TSPOAP1: variants seen among roughly 807,000 people sequenced by gnomAD.
TSPOAP1 encodes TSPO associated protein 1.
Under a neutral mutation model 197.0 loss-of-function variants are expected in TSPOAP1, and 87 were observed. The ratio of observed to expected loss-of-function variants is 0.44; its 90% confidence interval spans 0.37 to 0.53. TSPOAP1 has a LOEUF of 0.53. TSPOAP1 is among the 20% of genes least tolerant of loss of function. The probability of loss-of-function intolerance (pLI) is 0.00; values close to 1 mark genes in which losing one functional copy is unlikely to be tolerated. For missense variants in TSPOAP1, 2,174 were observed against 2,411.3 expected, an observed-to-expected ratio of 0.90 and a Z score of 2.06; for synonymous variants, 913 against 998.9, an observed-to-expected ratio of 0.91 and a Z score of 1.62.
At chr17:58,314,722 C>T (rs149235565) in intron 16 of TSPOAP1, among the ~76,000 whole-genome samples, 1 of 152,340 alleles carries the variant, frequency 6.6e-6, no homozygotes, top group East Asian at 1.9e-4. Flanking sequence ...CCCTAGGAAA[C>T]GATCATAAGC....
At position 58,304,378 on chromosome 17, in the gene TSPOAP1, G is replaced by A; in HGVS notation, c.5566C>T (p.Gln1856Ter). Residue 1856 changes from glutamine to a stop codon, truncating the protein, a stop_gained, in exon 31 of 32, where the codon CAG (glutamine) becomes TAG (stop). Coordinates refer to ENST00000343736, the MANE Select transcript of TSPOAP1 (RefSeq NM_004758.4). LOFTEE classifies it high-confidence loss of function. The surrounding 1 kb of genome is among the most constrained non-coding windows in gnomAD (Gnocchi z 4.2). ...CATATATCTATCTCCATCTAGCACT[G>A]GACTCTTCTCCTCCTCGTTCTCTGA... is the stretch of plus-strand genomic sequence containing the variant. ...ESQRTRRRRV[Q>*]C is the part of the protein sequence containing the mutation. 6.2e-7 allele frequency: 1 copy of A among 1,613,758 alleles called. No individual in the cohort carries two copies. The highest frequency in any genetic ancestry group is 1.1e-5 in the South Asian group (1 of 91,080).
chr17:58,317,787 C>T (rs1351665424), intron 14 of TSPOAP1, among the ~76,000 whole-genome samples: 1 of 152,210 alleles, frequency 6.6e-6, no homozygotes, highest in Non-Finnish European at 1.5e-5. Context: ...CAGGCAGGTT[C>T]CGTATTCATT....
chr17:58,326,178 T>C lies in TSPOAP1; in HGVS notation c.570+115A>G. On this transcript the variant is annotated intron_variant, in intron 3 of 31. Coordinates refer to ENST00000343736, the MANE Select transcript of TSPOAP1 (RefSeq NM_004758.4). The surrounding 1 kb of genome is among the most constrained non-coding windows in gnomAD (Gnocchi z 4.7). Reference sequence around the variant, plus strand: ...CACCTTAGCCCCTAGATTCTTGCTTTCCTAGGTGCTGAGCTGAGACCGTGA... The same window carrying C: ...CACCTTAGCCCCTAGATTCTTGCTTCCCTAGGTGCTGAGCTGAGACCGTGA... The C allele has an allele frequency of 6.7e-7, 1 of 1,490,312 alleles. No homozygotes were observed. The highest frequency in any genetic ancestry group is 9.0e-7 in the Non-Finnish European group (1 of 1,113,446). 92.3% of individuals were successfully genotyped at this position (1,490,312 alleles called of 1,614,324 possible).
In TSPOAP1 at chr17:58,309,435, G is replaced by C; in HGVS notation, c.3892-55C>G. On this transcript the variant is annotated intron_variant, in intron 21 of 31. Transcript: ENST00000343736. The surrounding 1 kb of genome is among the most constrained non-coding windows in gnomAD (Gnocchi z 5.0). ...CACAGCAGGGAAGAGAGATGCGTGGGGAAGAGGAGAGCGAGCTGCGATCTT... is the reference window on the plus strand; with the variant it reads ...CACAGCAGGGAAGAGAGATGCGTGGCGAAGAGGAGAGCGAGCTGCGATCTT... 1 of 1,544,688 alleles carries C rather than the reference G, an allele frequency of 6.5e-7. No individual in the cohort carries two copies. Among genetic ancestry groups the C allele is most frequent in the Non-Finnish European group, 8.7e-7 (1 of 1,149,120 alleles).
Position 58,306,740 on chromosome 17 carries a change from G to A in TSPOAP1, c.5152+60C>T, listed in dbSNP as rs1970906782. 5.8e-6 allele frequency: 9 copies of A among 1,562,928 alleles called. No individual in the cohort carries two copies. The Admixed American group carries it at 1.6e-4, about 27-fold the overall frequency. ...ACCCCAGACACAACAATTGCTCAGG[G>A]TCAGGTGGAGTTGGAAGGGGGCTGG... On this transcript the variant is annotated intron_variant, in intron 25 of 31. Transcript: ENST00000343736.
chr17:58,302,625 G>A (rs1413776891), intron 31 of TSPOAP1, 178 bp from the exon 32 acceptor site: 1 of 293,008 alleles, frequency 3.4e-6, no homozygotes, highest in Non-Finnish European at 6.2e-6. Context: ...GGTGGTGAAT[G>A]GGGAGGGTGA....
At chr17:58,303,025 CCGG>C in intron 31 of TSPOAP1, 1 of 152,454 alleles carries the variant, frequency 6.6e-6, no homozygotes, top group Middle Eastern at 3.4e-3. Context: ...AAGAGGACTG[CCGG>C]GAGGCCAAGG....
chr17:58,313,995 T>C (rs2143057415), intron 16 of TSPOAP1, among the ~76,000 whole-genome samples: 1 of 152,290 alleles, frequency 6.6e-6, no homozygotes. Context: ...CAGCATGTAA[T>C]GTCACGGTCA....
intron 5 of TSPOAP1, among the ~76,000 whole-genome samples, chr17:58,323,748 C>CT (rs1971473445): frequency 6.6e-6 from 1 of 152,234 alleles, no homozygotes; most frequent in Non-Finnish European, 1.5e-5. Flanking sequence ...AGGCTGCACC[C>CT]CTGTGTCCTG....
chr17:58,316,299 T>C, intron 15 of TSPOAP1, 126 bp downstream of exon 15: 1 of 1,088,084 alleles, frequency 9.2e-7, no homozygotes, highest in Non-Finnish European at 1.4e-6. Flanking sequence ...AACTAGGTTA[T>C]TAGAATAGGT....
At chr17:58,306,591 T>G in intron 25 of TSPOAP1, 178 bp from the exon 26 acceptor site, 1 of 895,038 alleles carries the variant, frequency 1.1e-6, no homozygotes, top group Non-Finnish European at 1.7e-6. Context: ...CCTGGCTGCA[T>G]GGCTGTATTC....
At chr17:58,321,608 C>T (rs949601755) in intron 10 of TSPOAP1, among the ~76,000 whole-genome samples, 2 of 152,160 alleles carry the variant, frequency 1.3e-5, no homozygotes, top group Admixed American at 1.3e-4. Context: ...AGAACCTTGT[C>T]AGTTCTATCT....
chr17:58,308,262 C>T (rs1389570002), intron 22 of TSPOAP1, among the ~76,000 whole-genome samples: 1 of 152,272 alleles, frequency 6.6e-6, no homozygotes, highest in Non-Finnish European at 1.5e-5. Context: ...CAGTCAGCGT[C>T]CTGAAGCCAT....
intron 4 of TSPOAP1, 70 bp downstream of exon 4, chr17:58,325,464 T>C (rs1044866183): frequency 1.9e-6 from 3 of 1,583,962 alleles, no homozygotes; most frequent in Non-Finnish European, 2.6e-6. Flanking sequence ...ACATCTTGTC[T>C]GCATCCCACA....
chr17:58,302,442 C>T lies in TSPOAP1; in HGVS notation c.*38G>A, dbSNP rs1210565621. ...CTGGGGACCCTTGTGTGGTGCAGCC[C>T]CAGTCCTGAAATGTGAGACAGAAGG... is the stretch of plus-strand genomic sequence containing the variant. On this transcript the variant is annotated 3_prime_UTR_variant, in exon 32 of 32. Coordinates refer to ENST00000343736, the MANE Select transcript of TSPOAP1 (RefSeq NM_004758.4). 8.0e-7 allele frequency: 1 copy of T among 1,244,020 alleles called. No homozygotes were observed. Among genetic ancestry groups the T allele is most frequent in the African/African-American group, 1.6e-5 (1 of 63,768 alleles). 77.1% of individuals were successfully genotyped at this position (1,244,020 alleles called of 1,614,324 possible). A position where few individuals can be genotyped will look rare whatever the true frequency, so the allele number is the denominator to read the frequency against.
At position 58,322,578 on chromosome 17, in the gene TSPOAP1, C is replaced by T. The variant is rs1971433825; in HGVS notation, c.1317+76G>A. 3.2e-6 allele frequency: 5 copies of T among 1,585,596 alleles called. No homozygotes were observed. The highest frequency in any genetic ancestry group is 4.3e-6 in the Non-Finnish European group (5 of 1,168,874). Reference sequence around the variant, plus strand: ...CAGGCCTCAGAGCTAGTGCCCCTCACTAAGAATATTCTGCTGTCCCACTTG... The same window carrying T: ...CAGGCCTCAGAGCTAGTGCCCCTCATTAAGAATATTCTGCTGTCCCACTTG... On this transcript the variant is annotated intron_variant, in intron 9 of 31. Transcript: ENST00000343736. The surrounding 1 kb of genome is among the most constrained non-coding windows in gnomAD (Gnocchi z 5.0).
chr17:58,319,425 C>A, intron 12 of TSPOAP1, 131 bp from the exon 13 acceptor site: 1 of 1,050,746 alleles, frequency 9.5e-7, no homozygotes, highest in Non-Finnish European at 1.3e-6. Flanking sequence ...TGGGCACCAG[C>A]CTTGCCTTGG....
intron 15 of TSPOAP1, 115 bp from the exon 16 acceptor site, chr17:58,316,247 ACCAC>A (rs1289315943): frequency 8.9e-7 from 1 of 1,121,370 alleles, no homozygotes; most frequent in African/African-American, 1.5e-5. Context: ...GTGGTTGTCC[ACCAC>A]CAGCAAAGCT....
chr17:58,321,336 C>T (rs964433291), intron 10 of TSPOAP1, among the ~76,000 whole-genome samples: 5 of 150,512 alleles, frequency 3.3e-5, no homozygotes, highest in Admixed American at 6.6e-5. Flanking sequence ...CTCGCTCTGT[C>T]GCCCAGGCTG....
Sources: allele counts gnomAD v4.1 joint callset (sites outside exome capture counted in the v4.1 genomes callset), GRCh38; gene constraint gnomAD v4.1.1; non-coding constraint Gnocchi (gnomAD v3.1); transcripts MANE v1.5; gene names NCBI Gene and HGNC (gene_info 2026-07-23, HGNC 2026-07-21).